ITGB8: variants seen among roughly 807,000 people sequenced by gnomAD.
ITGB8 encodes the protein integrin subunit beta 8, also known as integrin beta-8.
In ITGB8, 30 loss-of-function variants were observed where a neutral mutation model predicts 89.5. That is an observed-to-expected ratio of 0.34 (90% CI 0.25 to 0.45). ITGB8 has a LOEUF of 0.45. ITGB8 is among the 20% of genes least tolerant of loss of function. The pLI is 1.00. For synonymous variants in ITGB8, 335 were observed against 320.4 expected (o/e 1.05, Z -0.49); for missense variants, 836 against 933.3 (o/e 0.90, Z 1.36).
At chr7:20,337,958 C>T (rs1784630676) in intron 1 of ITGB8, among the ~76,000 whole-genome samples, 1 of 152,180 alleles carries the variant, frequency 6.6e-6, no homozygotes, top group African/African-American at 2.4e-5. Flanking sequence ...GCCAAGGACA[C>T]TGATGCAGGA....
Position 20,363,730 on chromosome 7 carries a change from A to T in ITGB8, c.213+8A>T, listed in dbSNP as rs1583492619. The T allele has an allele frequency of 7.0e-6, 9 of 1,294,342 alleles. No individual in the cohort carries two copies. Among genetic ancestry groups the T allele is most frequent in the Non-Finnish European group, 7.4e-6 (7 of 951,912 alleles). 80.2% of individuals were successfully genotyped at this position (1,294,342 alleles called of 1,614,324 possible). A position where few individuals can be genotyped will look rare whatever the true frequency, so the allele number is the denominator to read the frequency against. ...GGATGGTGTGTTCAAGAGGTGTGCC[A>T]TTTTTTTTTTTCTTTTTCTCATGGT... On this transcript the variant is annotated splice_region_variant and intron_variant, in intron 2 of 13. Transcript: ENST00000222573.
chr7:20,349,584 TTAAAA>T (rs1483948378), intron 1 of ITGB8, among the ~76,000 whole-genome samples: 6 of 152,100 alleles, frequency 3.9e-5, no homozygotes, highest in African/African-American at 1.4e-4. Flanking sequence ...CAAAAAAGTA[TTAAAA>T]TAAATTAATC....
At chr7:20,399,654 G>A (rs1295966115) in intron 9 of ITGB8, among the ~76,000 whole-genome samples, 1 of 151,944 alleles carries the variant, frequency 6.6e-6, no homozygotes, top group Non-Finnish European at 1.5e-5. Flanking sequence ...GATTCTCCAA[G>A]GATTGGCACA....
intron 12 of ITGB8, 58 bp from the exon 13 acceptor site, chr7:20,409,556 AG>A (rs1787682188): frequency 2.6e-6 from 3 of 1,134,784 alleles, no homozygotes; most frequent in Non-Finnish European, 3.8e-6. Flanking sequence ...TTTACTTGAT[AG>A]ACTCTTTGAT....
At position 20,398,980 on chromosome 7, in the gene ITGB8, A is replaced by G; in HGVS notation, c.1267A>G (p.Thr423Ala). 2 of 1,613,556 alleles carry G rather than the reference A, an allele frequency of 1.2e-6. No individual in the cohort carries two copies. ...KPGMEGCRNV[T>A]SNDEVLFNVT... ...AGGCATGGAAGGATGCAGAAACGTG[A>G]CGAGCAATGATGAAGTATGTGGGTG... is the stretch of plus-strand genomic sequence containing the variant. The change falls in exon 9 of 14, where the codon ACG (threonine) becomes GCG (alanine). Residue 423 changes from threonine (T) to alanine (A), a missense_variant. By Grantham distance (58) the Thr-to-Ala change is moderately conservative. Coordinates refer to ENST00000222573, the MANE Select transcript of ITGB8 (RefSeq NM_002214.3).
Position 20,380,718 on chromosome 7 carries a change from T to G in ITGB8, c.688T>G (p.Leu230Val). The G allele has an allele frequency of 1.2e-6, 2 of 1,613,390 alleles. No homozygotes were observed. The highest frequency in any genetic ancestry group is 1.7e-6 in the Non-Finnish European group (2 of 1,179,306). Residue 230 changes from leucine to valine, a missense_variant, in exon 5 of 14, where the codon TTG becomes GTG. Transcript: ENST00000222573. ...PPHGYIHVLS[L>V]TENITEFEKA... The stretch of plus-strand genomic sequence containing the variant: ...CCATGGATACATCCATGTGCTGTCT[T>G]TGACAGAGAACATCACTGAGTTTGA...
chr7:20,381,599 T>C (rs986145800), intron 5 of ITGB8, 128 bp from the exon 6 acceptor site: 7 of 654,374 alleles, frequency 1.1e-5, no homozygotes, highest in Non-Finnish European at 1.8e-5. Context: ...GCAGCAGCGT[T>C]GTACCCACGC....
intron 1 of ITGB8, among the ~76,000 whole-genome samples, chr7:20,363,212 T>C (rs923157830): frequency 1.3e-5 from 2 of 152,190 alleles, no homozygotes; most frequent in East Asian, 1.9e-4. Context: ...TGTTGAGATT[T>C]ATGTCTATAA....
Position 20,380,851 on chromosome 7 carries a change from C to A in ITGB8, c.801+20C>A, listed in dbSNP as rs376407645. The A allele has an allele frequency of 2.5e-6, 4 of 1,581,434 alleles. No individual in the cohort carries two copies. The highest frequency in any genetic ancestry group is 1.1e-5 in the South Asian group (1 of 87,120). On this transcript the variant is annotated intron_variant, in intron 5 of 13. Coordinates refer to ENST00000222573, the MANE Select transcript of ITGB8 (RefSeq NM_002214.3). ...TGTGAAGTAAGACGTTTCACATGAT[C>A]GAGTGTTTGCTAAGATGCCAAACTT... is the stretch of plus-strand genomic sequence containing the variant.
rs1004169226 is a variant in ITGB8 at position 20,353,709 on chromosome 7, G to A, written c.128-9928G>A. 6.1e-5 allele frequency among the ~76,000 whole-genome samples: 9 copies of A among 147,116 alleles called. 1 individual carries two copies. The highest frequency in any genetic ancestry group is 1.9e-4 in the East Asian group (1 of 5,178). On this transcript the variant is annotated intron_variant, in intron 1 of 13. Transcript: ENST00000222573. ...AGCACTTTGGGAGGCCGAGGCGGGC[G>A]GATCACGAGGTCAGGAGATCGAGAC...
At chr7:20,342,195 C>A (rs1317326136) in intron 1 of ITGB8, among the ~76,000 whole-genome samples, 1 of 152,174 alleles carries the variant, frequency 6.6e-6, no homozygotes, top group Non-Finnish European at 1.5e-5. Context: ...GAATTGGCCT[C>A]CAAGTTGTAT....
At chr7:20,341,502 T>A (rs185201444) in intron 1 of ITGB8, among the ~76,000 whole-genome samples, 1 of 152,278 alleles carries the variant, frequency 6.6e-6, no homozygotes, top group East Asian at 1.9e-4. Context: ...GAGAACTAAA[T>A]GGCATTACTA....
chr7:20,334,874 G>C (rs2128124512), intron 1 of ITGB8, among the ~76,000 whole-genome samples: 1 of 152,292 alleles, frequency 6.6e-6, no homozygotes, highest in South Asian at 2.1e-4. Flanking sequence ...CAAATTATCT[G>C]AAATCTCACT....
chr7:20,353,989 A>C (rs1785206064), intron 1 of ITGB8, among the ~76,000 whole-genome samples: 1 of 151,488 alleles, frequency 6.6e-6, no homozygotes, highest in African/African-American at 2.4e-5. Flanking sequence ...GGAAACATAG[A>C]GATGAATTCA....
intron 1 of ITGB8, among the ~76,000 whole-genome samples, chr7:20,362,309 ACCATGT>A (rs959087733): frequency 6.6e-6 from 1 of 152,300 alleles, no homozygotes; most frequent in African/African-American, 2.4e-5. Flanking sequence ...CTTTAAAATT[ACCATGT>A]CCATGTCCAT....
At chr7:20,364,765 G>A (rs182965583) in intron 2 of ITGB8, 3 of 152,226 alleles carry the variant, frequency 2.0e-5, no homozygotes, top group Non-Finnish European at 2.9e-5. Flanking sequence ...ATGACCAAAA[G>A]AATTCACTTT....
intron 7 of ITGB8, among the ~76,000 whole-genome samples, chr7:20,392,016 G>C (rs978483615): frequency 6.6e-6 from 1 of 152,138 alleles, no homozygotes; most frequent in Non-Finnish European, 1.5e-5. Flanking sequence ...TCACACATAA[G>C]AATAATCTTG....
intron 2 of ITGB8, among the ~76,000 whole-genome samples, chr7:20,364,320 T>C (rs1785613014): frequency 6.6e-6 from 1 of 152,206 alleles, no homozygotes; most frequent in Admixed American, 6.5e-5. Context: ...CATTTACTTA[T>C]GTAGCTCCTG....
chr7:20,373,629 G>A (rs367619705), intron 3 of ITGB8, among the ~76,000 whole-genome samples: 3 of 152,118 alleles, frequency 2.0e-5, no homozygotes, highest in East Asian at 1.9e-4. Context: ...CCACCCCCTG[G>A]CACACATTCC....
Sources: allele counts gnomAD v4.1 joint callset (sites outside exome capture counted in the v4.1 genomes callset), GRCh38; gene constraint gnomAD v4.1.1; transcripts MANE v1.5; gene names NCBI Gene and HGNC (gene_info 2026-07-23, HGNC 2026-07-21).